The following PAX8 variants were observed in gnomAD, a reference collection of about 807,000 sequenced individuals.
The protein encoded by PAX8 is paired box protein Pax-8.
Under a neutral mutation model 52.4 loss-of-function variants are expected in PAX8, and 15 were observed. That is an observed-to-expected ratio of 0.29 (90% CI 0.19 to 0.44). PAX8 has a LOEUF of 0.44. Among genes scored for constraint, PAX8 ranks in the 20% least tolerant of loss-of-function variants. The probability of loss-of-function intolerance (pLI) is 1.00; values close to 1 mark genes in which losing one functional copy is unlikely to be tolerated. For missense variants in PAX8, 554 were observed against 602.5 expected, an observed-to-expected ratio of 0.92 and a Z score of 0.84; for synonymous variants, 284 against 249.7, an observed-to-expected ratio of 1.14 and a Z score of -1.29.
At chr2:113,239,941 T>C (rs562597192) in intron 7 of PAX8, 20 of 152,266 alleles carry the variant, frequency 1.3e-4, no homozygotes, top group African/African-American at 4.6e-4. Flanking sequence ...GCTCAAAGAC[T>C]TTCTCATTCC....
Position 113,226,921 on chromosome 2 carries a change from T to C in PAX8, c.1189+234A>G, listed in dbSNP as rs1689612154. On this transcript the variant is annotated intron_variant, in intron 10 of 11. Transcript: ENST00000429538. Reference sequence around the variant, plus strand: ...CCTCCCTTTTCATCATGGAGGGTAATGTAGCAGGCCTGGGAAGAAGGAGGC... The same window carrying C: ...CCTCCCTTTTCATCATGGAGGGTAACGTAGCAGGCCTGGGAAGAAGGAGGC... 4.2e-6 allele frequency: 6 copies of C among 1,426,890 alleles called. No individual in the cohort carries two copies. In the Admixed American group the frequency reaches 6.5e-5, roughly 16 times the overall value. 88.4% of individuals were successfully genotyped at this position (1,426,890 alleles called of 1,614,324 possible).
Position 113,242,364 on chromosome 2 carries a change from CTG to C in PAX8, c.479-236_479-235del, listed in dbSNP as rs3217557. Among the ~76,000 whole-genome samples the C allele has an allele frequency of 0.14, 21,995 of 151,988 alleles. 1,810 individuals carry two copies. Among genetic ancestry groups the C allele is most frequent in the Non-Finnish European group, 0.19 (12,953 of 67,890 alleles). ...ACACCCCTCACAGTCCCTGCTGACACTGTGCAGGAGGCAGCAAGCCGAACCAT... is the reference window on the plus strand; with the variant it reads ...ACACCCCTCACAGTCCCTGCTGACACTGCAGGAGGCAGCAAGCCGAACCAT... On this transcript the variant is annotated intron_variant, in intron 5 of 11. Transcript: ENST00000429538.
At chr2:113,256,508 C>G (rs1692256831) in intron 2 of PAX8, among the ~76,000 whole-genome samples, 1 of 152,118 alleles carries the variant, frequency 6.6e-6, no homozygotes, top group African/African-American at 2.4e-5. Context: ...CTTCCACTAT[C>G]CTTTAAACTT....
At chr2:113,241,356 G>A in intron 7 of PAX8, 195 bp downstream of exon 7, 1 of 676,976 alleles carries the variant, frequency 1.5e-6, no homozygotes, top group Non-Finnish European at 2.6e-6. Context: ...GAAGCCAGGA[G>A]GGTTAGAAAG....
At chr2:113,241,380 A>C (rs1305658935) in intron 7 of PAX8, 171 bp downstream of exon 7, 1 of 725,522 alleles carries the variant, frequency 1.4e-6, no homozygotes, top group East Asian at 2.7e-5. Context: ...GGAAGATGCC[A>C]GGGCATCTGG....
At chr2:113,269,397 G>A (rs1025462927) in intron 2 of PAX8, 6 of 152,354 alleles carry the variant, frequency 3.9e-5, no homozygotes, top group Admixed American at 6.5e-5. Flanking sequence ...TGCTCCTGCC[G>A]AATGGGTTGT....
chr2:113,237,001 C>T (rs1690416533), intron 7 of PAX8: 6 of 481,374 alleles, frequency 1.2e-5, no homozygotes, highest in South Asian at 5.7e-5. Flanking sequence ...GATGGCTGGT[C>T]GGCTTCCTGG....
chr2:113,261,030 G>A lies in PAX8; in HGVS notation c.26-14111C>T, dbSNP rs139277129. ...CCGCCTTTCTGAGGGACACACAGGA[G>A]CAAAATCTGTGACAAAACCGTGCAT... On this transcript the variant is annotated intron_variant, in intron 2 of 11. Transcript: ENST00000429538. Among the ~76,000 whole-genome samples, 282 of 152,174 alleles carry A rather than the reference G, an allele frequency of 1.9e-3. No homozygotes were observed. In the Middle Eastern group the frequency reaches 0.02, roughly 11 times the overall value.
chr2:113,225,874 C>A (rs1689535680), intron 10 of PAX8: 1 of 980,440 alleles, frequency 1.0e-6, no homozygotes, highest in Admixed American at 6.2e-5. Context: ...CCATTATCCA[C>A]ACTCTTAAAA....
chr2:113,217,783 A>G lies in PAX8; in HGVS notation c.*750T>C, dbSNP rs556424737. ...CCAGGCCCTGTGGAATGTCTGTTTT[A>G]AGCTCCCTGGGGCTGGCCTGGCTGA... On this transcript the variant is annotated 3_prime_UTR_variant, in exon 12 of 12. Transcript: ENST00000429538. The G allele has an allele frequency of 8.6e-6, 2 of 233,256 alleles. No homozygotes were observed. Among genetic ancestry groups the G allele is most frequent in the South Asian group, 3.6e-4 (2 of 5,542 alleles). The allele number at this position is 233,256 out of a possible 1,614,324, so 14.4% of individuals were successfully genotyped here. A position where few individuals can be genotyped will look rare whatever the true frequency, so the allele number is the denominator to read the frequency against.
At chr2:113,270,141 G>A (rs1458487359) in intron 2 of PAX8, 1 of 152,162 alleles carries the variant, frequency 6.6e-6, no homozygotes, top group Non-Finnish European at 1.5e-5. Context: ...TGAAAAGTCT[G>A]TCCTAAATTT....
chr2:113,266,693 G>T (rs1419702669), intron 2 of PAX8: 1 of 152,218 alleles, frequency 6.6e-6, no homozygotes, highest in Non-Finnish European at 1.5e-5. Context: ...ACAAAACAGT[G>T]AGCTCAACTT....
At chr2:113,227,408 G>A (rs1283731721) in intron 9 of PAX8, 152 bp from the exon 10 acceptor site, 4 of 678,678 alleles carry the variant, frequency 5.9e-6, no homozygotes, top group Non-Finnish European at 1.0e-5. Context: ...CTCCTCATCT[G>A]AGCCCAAGTT....
rs1180937439 is a variant in PAX8, at chr2:113,278,464, G to T, written c.-70C>A. The T allele has an allele frequency of 1.1e-5, 17 of 1,603,682 alleles. No individual in the cohort carries two copies. The highest frequency in any genetic ancestry group is 1.4e-5 in the Non-Finnish European group (17 of 1,176,124). Reference sequence around the variant, plus strand: ...CCCGTAGGTCCGGGCCGCGCCTGCCGCTGCCCTGCACAAACCCAGGAGAAG... The same window carrying T: ...CCCGTAGGTCCGGGCCGCGCCTGCCTCTGCCCTGCACAAACCCAGGAGAAG... On this transcript the variant is annotated 5_prime_UTR_variant, in exon 2 of 12. Transcript: ENST00000429538.
chr2:113,242,835 C>T, intron 4 of PAX8, 57 bp from the exon 5 acceptor site: 1 of 1,374,876 alleles, frequency 7.3e-7, no homozygotes, highest in Non-Finnish European at 1.0e-6. Flanking sequence ...GAACTCATGG[C>T]TGCCCCAGAC....
At chr2:113,270,751 T>C (rs1693412113) in intron 2 of PAX8, 1 of 152,192 alleles carries the variant, frequency 6.6e-6, no homozygotes, top group Admixed American at 6.5e-5. Flanking sequence ...AGTCACAATA[T>C]GTCCTAGTGG....
At chr2:113,218,860 A>G (rs1373597564) in intron 11 of PAX8, among the ~76,000 whole-genome samples, 1 of 152,152 alleles carries the variant, frequency 6.6e-6, no homozygotes, top group African/African-American at 2.4e-5. Flanking sequence ...TTGACCTTCA[A>G]CACCCTCGTT....
intron 2 of PAX8, 55 bp downstream of exon 2, chr2:113,278,315 C>A (rs1693977717): frequency 1.5e-6 from 2 of 1,362,688 alleles, no homozygotes; most frequent in Non-Finnish European, 2.1e-6. Flanking sequence ...CGAGCGCACG[C>A]ACGGACGCTC....
intron 2 of PAX8, chr2:113,259,716 G>A (rs905409741): frequency 7.1e-6 from 1 of 140,388 alleles, no homozygotes; most frequent in African/African-American, 2.7e-5. Context: ...ATTAATTGAT[G>A]AAACATGAAC....
Sources: gnomAD v4.1 joint callset for allele counts (sites outside exome capture counted in the v4.1 genomes callset) on GRCh38, gnomAD v4.1.1 for gene constraint, MANE v1.5 for transcripts, NCBI Gene and HGNC (gene_info 2026-07-23, HGNC 2026-07-21) for gene names.